Variants in ROBO1 observed in about 807,000 individuals in gnomAD.
The protein encoded by ROBO1 is roundabout guidance receptor 1, also known as roundabout homolog 1.
ROBO1 carries 149 observed loss-of-function variants against 195.9 expected under a neutral mutation model. That is an observed-to-expected ratio of 0.76 (90% CI 0.67 to 0.87). ROBO1 has a LOEUF of 0.87. Ranked by LOEUF, ROBO1 falls within the 40% of genes least tolerant of loss-of-function variation. The pLI is 0.00. For synonymous variants in ROBO1, 816 were observed against 733.2 expected (o/e 1.11, Z -1.82); for missense variants, 1,933 against 2,068.3 (o/e 0.93, Z 1.27).
intron 1 of ROBO1, among the ~76,000 whole-genome samples, chr3:79,665,335 A>G (rs548275479): frequency 6.6e-6 from 1 of 151,856 alleles, no homozygotes. Flanking sequence ...TAATTCCTTC[A>G]ATATCAGTTT....
chr3:78,698,493 AC>A (rs2081350281), intron 8 of ROBO1, among the ~76,000 whole-genome samples: 1 of 152,066 alleles, frequency 6.6e-6, no homozygotes. Flanking sequence ...TGAACTTTTC[AC>A]CTCCTCTTAA....
At chr3:79,372,925 G>C (rs2036252807) in intron 2 of ROBO1, among the ~76,000 whole-genome samples, 1 of 150,794 alleles carries the variant, frequency 6.6e-6, no homozygotes, top group Admixed American at 6.6e-5. Context: ...TTTTATTTTA[G>C]TTTCGGGGGT....
chr3:79,763,976 T>C (rs1704848108), intron 1 of ROBO1, among the ~76,000 whole-genome samples: 1 of 152,208 alleles, frequency 6.6e-6, no homozygotes, highest in Non-Finnish European at 1.5e-5. Flanking sequence ...CAGTATGACA[T>C]ACTAGAAAAG....
At chr3:79,521,326 G>A (rs368084088) in intron 2 of ROBO1, among the ~76,000 whole-genome samples, 2 of 152,104 alleles carry the variant, frequency 1.3e-5, no homozygotes, top group Admixed American at 6.5e-5. Flanking sequence ...TTTCTTAGGG[G>A]TTCCTGTTTA....
At chr3:78,707,091 A>T (rs1275390044) in intron 8 of ROBO1, among the ~76,000 whole-genome samples, 6 of 152,178 alleles carry the variant, frequency 3.9e-5, no homozygotes, top group Non-Finnish European at 8.8e-5. Flanking sequence ...TTTTACTGAA[A>T]GTTATAATTA....
chr3:79,015,989 T>A (rs2077922847), intron 3 of ROBO1, among the ~76,000 whole-genome samples: 1 of 152,226 alleles, frequency 6.6e-6, no homozygotes, highest in Admixed American at 6.5e-5. Flanking sequence ...ATCCCCTCAG[T>A]ACACTTTGAT....
intron 2 of ROBO1, among the ~76,000 whole-genome samples, chr3:79,226,706 G>C (rs146418958): frequency 2.0e-5 from 3 of 151,664 alleles, no homozygotes; most frequent in Admixed American, 6.6e-5. Flanking sequence ...GTGCCACAAT[G>C]CCCAGCTAAC....
At chr3:79,686,596 A>T (rs893328258) in intron 1 of ROBO1, among the ~76,000 whole-genome samples, 1 of 152,192 alleles carries the variant, frequency 6.6e-6, no homozygotes, top group Non-Finnish European at 1.5e-5. Context: ...GAGCCAAATC[A>T]TGAGTGAACT....
rs111317410 is a variant in ROBO1 at position 79,547,346 on chromosome 3, G to A, written c.88+42478C>T. 3.4e-3 allele frequency among the ~76,000 whole-genome samples: 523 copies of A among 152,118 alleles called. 3 individuals carry two copies. The highest frequency in any genetic ancestry group is 6.2e-3 in the Non-Finnish European group (419 of 67,998). ...TCAATCATAGCTGGACTTGAGTTTG[G>A]AGGAGTCTGCAGATTTTATATGAAC... is the stretch of plus-strand genomic sequence containing the variant. On this transcript the variant is annotated intron_variant, in intron 2 of 30. Coordinates refer to ENST00000464233, the MANE Select transcript of ROBO1 (RefSeq NM_002941.4).
At chr3:79,616,006 G>A (rs1013069613) in intron 1 of ROBO1, among the ~76,000 whole-genome samples, 1 of 152,138 alleles carries the variant, frequency 6.6e-6, no homozygotes, top group Non-Finnish European at 1.5e-5. Context: ...GCAGTTCCAC[G>A]GAAAGAATAG....
chr3:78,648,836 C>T (rs1706462946), intron 19 of ROBO1, among the ~76,000 whole-genome samples: 1 of 152,060 alleles, frequency 6.6e-6, no homozygotes. Context: ...TTGAACATCT[C>T]CAAGAAATTT....
intron 4 of ROBO1, among the ~76,000 whole-genome samples, chr3:78,885,085 AAGG>A (rs2036467666): frequency 6.6e-6 from 1 of 152,144 alleles, no homozygotes; most frequent in South Asian, 2.1e-4. Flanking sequence ...CATAAAAAAG[AAGG>A]AGATCACGTC....
At chr3:79,674,316 G>C (rs1024330558) in intron 1 of ROBO1, among the ~76,000 whole-genome samples, 1 of 151,910 alleles carries the variant, frequency 6.6e-6, no homozygotes, top group Non-Finnish European at 1.5e-5. Flanking sequence ...ACACGTGGCT[G>C]TTCTCAATGC....
chr3:78,860,181 A>AGATAGATAGATG (rs1192748268), intron 4 of ROBO1, among the ~76,000 whole-genome samples: 1 of 148,532 alleles, frequency 6.7e-6, no homozygotes, highest in African/African-American at 2.5e-5. Flanking sequence ...ATAGATAGAT[A>AGATAGATAGATG]GATGATAGAT....
intron 4 of ROBO1, among the ~76,000 whole-genome samples, chr3:78,878,595 A>G (rs546518893): frequency 6.6e-6 from 1 of 150,998 alleles, no homozygotes; most frequent in Non-Finnish European, 1.5e-5. Context: ...AAAAAAAAAA[A>G]AAAAAAAAAA....
At chr3:79,366,961 A>T (rs2036001393) in intron 2 of ROBO1, among the ~76,000 whole-genome samples, 1 of 152,222 alleles carries the variant, frequency 6.6e-6, no homozygotes, top group Non-Finnish European at 1.5e-5. Context: ...GAAATAGGAA[A>T]CAGAAATGGT....
intron 1 of ROBO1, among the ~76,000 whole-genome samples, chr3:79,626,199 C>A (rs1945173902): frequency 6.6e-6 from 1 of 152,162 alleles, no homozygotes; most frequent in African/African-American, 2.4e-5. Context: ...GTAATCCTAG[C>A]ACTTTGAGAG....
intron 1 of ROBO1, among the ~76,000 whole-genome samples, chr3:79,618,586 A>C (rs1314345450): frequency 6.6e-6 from 1 of 152,122 alleles, no homozygotes; most frequent in Non-Finnish European, 1.5e-5. Context: ...CTACTTACCC[A>C]AATCCTATAA....
intron 4 of ROBO1, among the ~76,000 whole-genome samples, chr3:78,779,242 C>A (rs1272135867): frequency 6.6e-6 from 1 of 152,046 alleles, no homozygotes; most frequent in Non-Finnish European, 1.5e-5. Flanking sequence ...CAACAAAAGC[C>A]AAAATTGACA....
Sources: allele counts gnomAD v4.1 joint callset (sites outside exome capture counted in the v4.1 genomes callset), GRCh38; gene constraint gnomAD v4.1.1; transcripts MANE v1.5; gene names NCBI Gene and HGNC (gene_info 2026-07-23, HGNC 2026-07-21).